SCFD2: variants seen among roughly 807,000 people sequenced by gnomAD.
SCFD2 encodes the protein sec1 family domain-containing protein 2.
SCFD2 carries 54 observed loss-of-function variants against 58.9 expected under a neutral mutation model. The observed-to-expected ratio is 0.92, with a 90% confidence interval of 0.74 to 1.15. The LOEUF (loss-of-function observed/expected upper bound fraction) is 1.15, where lower values mean the gene tolerates loss of function less well. Among genes scored for constraint, SCFD2 ranks in the 50% most tolerant of loss-of-function variants. The pLI is 0.00. For synonymous variants in SCFD2, 321 were observed against 335.9 expected (o/e 0.96, Z 0.49); for missense variants, 805 against 836.6 (o/e 0.96, Z 0.47).
chr4:53,079,953 C>T (rs1577710600), intron 5 of SCFD2, among the ~76,000 whole-genome samples: 1 of 152,158 alleles, frequency 6.6e-6, no homozygotes, highest in East Asian at 1.9e-4. Context: ...TTAATATATA[C>T]ATGAAGAAAT....
chr4:53,086,079 T>C (rs954578771), intron 5 of SCFD2, among the ~76,000 whole-genome samples: 3 of 151,778 alleles, frequency 2.0e-5, no homozygotes, highest in African/African-American at 7.3e-5. Context: ...AAGGAAACAA[T>C]CAACAAAGAG....
At chr4:53,235,560 A>C (rs1729573494) in intron 4 of SCFD2, among the ~76,000 whole-genome samples, 1 of 152,224 alleles carries the variant, frequency 6.6e-6, no homozygotes, top group East Asian at 1.9e-4. Flanking sequence ...AATGTCAATA[A>C]ACGAGAAGTA....
At chr4:53,132,032 C>T (rs1366949022) in intron 5 of SCFD2, among the ~76,000 whole-genome samples, 2 of 152,098 alleles carry the variant, frequency 1.3e-5, no homozygotes, top group Non-Finnish European at 2.9e-5. Flanking sequence ...AGATTCATTC[C>T]AGTGTCTCAG....
Position 53,342,366 on chromosome 4 carries a change from A to G in SCFD2, c.1007+10232T>C, listed in dbSNP as rs1341106075. Among the ~76,000 whole-genome samples the G allele has an allele frequency of 2.0e-5, 3 of 152,246 alleles. No homozygotes were observed. The East Asian group carries it at 5.8e-4, about 29-fold the overall frequency. On this transcript the variant is annotated intron_variant, in intron 2 of 8. Transcript: ENST00000401642. ...AAGATCAAAAGAGACAAAGAAGGCC[A>G]TTACATAATGATAAAGGGATCAATG...
chr4:53,130,402 T>C (rs1725753721), intron 5 of SCFD2, among the ~76,000 whole-genome samples: 1 of 152,200 alleles, frequency 6.6e-6, no homozygotes, highest in South Asian at 2.1e-4. Context: ...ATTTTTAAAA[T>C]ACAGAGATAT....
At chr4:53,358,765 T>G (rs763911918) in intron 1 of SCFD2, among the ~76,000 whole-genome samples, 1 of 152,170 alleles carries the variant, frequency 6.6e-6, no homozygotes, top group Non-Finnish European at 1.5e-5. Flanking sequence ...AGTCTCTTTT[T>G]TAATTGTCCC....
intron 5 of SCFD2, among the ~76,000 whole-genome samples, chr4:53,044,912 C>A (rs867734343): frequency 7.1e-5 from 1 of 14,172 alleles, no homozygotes; most frequent in Non-Finnish European, 3.3e-4. Context: ...CCCAACCCCC[C>A]CCCCCCGCCC....
chr4:52,898,489 C>G (rs1719086930), intron 7 of SCFD2, among the ~76,000 whole-genome samples: 1 of 152,152 alleles, frequency 6.6e-6, no homozygotes. Context: ...ATCCTGAGTT[C>G]TAGTTTGATT....
intron 4 of SCFD2, among the ~76,000 whole-genome samples, chr4:53,227,973 C>G (rs138887968): frequency 6.6e-6 from 1 of 152,122 alleles, no homozygotes; most frequent in African/African-American, 2.4e-5. Context: ...ATTGAAAGCA[C>G]AGACTTTGGA....
intron 5 of SCFD2, among the ~76,000 whole-genome samples, chr4:53,078,709 C>G (rs7674291): frequency 0.33 from 50,226 of 151,980 alleles, 8,421 homozygotes; most frequent in Middle Eastern, 0.52. Flanking sequence ...CCCAGTCACA[C>G]AGCTAGTAAA....
intron 4 of SCFD2, among the ~76,000 whole-genome samples, chr4:53,180,540 G>C (rs998099327): frequency 3.3e-5 from 5 of 152,120 alleles, no homozygotes; most frequent in Admixed American, 2.0e-4. Flanking sequence ...ATGCCCACAA[G>C]AGAAAGCAGG....
chr4:53,154,087 GC>G (rs1726591247), intron 4 of SCFD2, among the ~76,000 whole-genome samples: 2 of 152,046 alleles, frequency 1.3e-5, no homozygotes, highest in African/African-American at 4.8e-5. Context: ...TCCAGCCTCT[GC>G]CTATTCCCAA....
At chr4:52,887,728 G>A (rs987630135) in intron 7 of SCFD2, among the ~76,000 whole-genome samples, 45 of 152,238 alleles carry the variant, frequency 3.0e-4, no homozygotes, top group African/African-American at 1.1e-3. Context: ...AAGGTAGTAA[G>A]TGTTCTTGCC....
chr4:53,064,299 C>A (rs762317479), intron 5 of SCFD2, among the ~76,000 whole-genome samples: 1 of 151,960 alleles, frequency 6.6e-6, no homozygotes, highest in African/African-American at 2.4e-5. Context: ...TAGTCCCCAG[C>A]GTCTATTCTT....
At chr4:53,258,538 G>A (rs868269774) in intron 4 of SCFD2, among the ~76,000 whole-genome samples, 44 of 119,876 alleles carry the variant, frequency 3.7e-4, no homozygotes, top group African/African-American at 1.4e-3. Flanking sequence ...TGGTGTGTGT[G>A]TATATATATA....
At chr4:53,031,680 A>G (rs1237728892) in intron 5 of SCFD2, among the ~76,000 whole-genome samples, 1 of 152,218 alleles carries the variant, frequency 6.6e-6, no homozygotes, top group African/African-American at 2.4e-5. Flanking sequence ...GGAAGAAAGG[A>G]TATCAATGAT....
At chr4:53,090,317 C>T (rs1277076009) in intron 5 of SCFD2, among the ~76,000 whole-genome samples, 1 of 152,156 alleles carries the variant, frequency 6.6e-6, no homozygotes, top group Non-Finnish European at 1.5e-5. Context: ...TACATGACCA[C>T]ATTTTTAGAA....
intron 5 of SCFD2, among the ~76,000 whole-genome samples, chr4:52,971,143 A>G (rs902801844): frequency 1.3e-5 from 2 of 152,250 alleles, no homozygotes; most frequent in African/African-American, 4.8e-5. Context: ...GCTCCTCACC[A>G]GCAATGGAAC....
At chr4:53,214,878 C>T (rs1264988792) in intron 4 of SCFD2, among the ~76,000 whole-genome samples, 4 of 152,134 alleles carry the variant, frequency 2.6e-5, no homozygotes, top group Admixed American at 2.6e-4. Context: ...TATGGCTAGC[C>T]AGTTTTCCCA....
Sources: gnomAD v4.1 joint callset for allele counts (sites outside exome capture counted in the v4.1 genomes callset) on GRCh38, gnomAD v4.1.1 for gene constraint, MANE v1.5 for transcripts, NCBI Gene and HGNC (gene_info 2026-07-23, HGNC 2026-07-21) for gene names.